GPHN: variants seen among roughly 807,000 people sequenced by gnomAD.
GPHN encodes gephyrin.
GPHN carries 17 observed loss-of-function variants against 95.5 expected under a neutral mutation model. The ratio of observed to expected loss-of-function variants is 0.18; its 90% CI spans 0.12 to 0.27. The LOEUF (loss-of-function observed/expected upper bound fraction) is 0.27. GPHN is among the 10% of genes least tolerant of loss of function. GPHN has a pLI of 1.00. For missense variants in GPHN, 660 were observed against 978.1 expected (o/e 0.67, Z 4.34); for synonymous variants, 320 against 322.5 (o/e 0.99, Z 0.08).
At chr14:67,204,860 TCAGGGA>T in the GPHN span, 1 of 1,613,926 alleles carries the variant, frequency 6.2e-7, no homozygotes, top group Non-Finnish European at 8.5e-7. Flanking sequence ...CCTGAACATG[TCAGGGA>T]CAGCATAGAT....
chr14:67,726,187 T>G, the GPHN span: 1 of 1,198,400 alleles, frequency 8.3e-7, no homozygotes, highest in Non-Finnish European at 1.2e-6. Flanking sequence ...AAAAATGAGG[T>G]ACACCCACTA....
chr14:67,198,541 TAACTC>T, the GPHN span, among the ~76,000 whole-genome samples: 1 of 152,252 alleles, frequency 6.6e-6, no homozygotes, highest in Non-Finnish European at 1.5e-5. Context: ...ACTTCTGTCT[TAACTC>T]TACCATAATT....
intron 9 of GPHN, among the ~76,000 whole-genome samples, chr14:67,005,040 A>G (rs2072505858): frequency 6.6e-6 from 1 of 151,650 alleles, no homozygotes; most frequent in South Asian, 2.1e-4. Flanking sequence ...ATAGGTCAGA[A>G]TGAGTAGCAT....
chr14:67,188,156 C>CTAT, the GPHN span, among the ~76,000 whole-genome samples: 1 of 152,158 alleles, frequency 6.6e-6, no homozygotes, highest in Non-Finnish European at 1.5e-5. Flanking sequence ...GCAGGCCCAT[C>CTAT]TCATGAGGGA....
the GPHN span, among the ~76,000 whole-genome samples, chr14:67,262,749 T>A: frequency 1.8e-4 from 28 of 152,198 alleles, no homozygotes; most frequent in African/African-American, 5.8e-4. Flanking sequence ...AGTGTAGCAT[T>A]CAGAGTCAAC....
At chr14:67,251,918 A>G in the GPHN span, among the ~76,000 whole-genome samples, 3 of 152,228 alleles carry the variant, frequency 2.0e-5, no homozygotes, top group African/African-American at 7.2e-5. Context: ...ATAGCCAGTC[A>G]CCAATGGCCA....
chr14:67,188,394 G>A, the GPHN span, among the ~76,000 whole-genome samples: 1 of 152,036 alleles, frequency 6.6e-6, no homozygotes, highest in Admixed American at 6.6e-5. Flanking sequence ...ATGGACGTGA[G>A]ATAATACCAA....
At chr14:66,569,348 AAC>A (rs1254842991) in intron 1 of GPHN, among the ~76,000 whole-genome samples, 1 of 152,152 alleles carries the variant, frequency 6.6e-6, no homozygotes, top group Non-Finnish European at 1.5e-5. Flanking sequence ...CTTCCTCTTT[AAC>A]ACACACACCA....
the GPHN span, among the ~76,000 whole-genome samples, chr14:67,303,068 T>TAAAGTAAAAATTAAA: frequency 6.6e-6 from 1 of 152,354 alleles, no homozygotes; most frequent in African/African-American, 2.4e-5. Flanking sequence ...TTCAGTTCCT[T>TAAAGTAAAAATTAAA]ATTCGCACTA....
chr14:67,195,921 A>T, the GPHN span, among the ~76,000 whole-genome samples: 1 of 152,134 alleles, frequency 6.6e-6, no homozygotes, highest in Non-Finnish European at 1.5e-5. Flanking sequence ...AGTAGCTGAG[A>T]CTACAGGTGC....
At chr14:67,528,425 C>T in the GPHN span, among the ~76,000 whole-genome samples, 1 of 152,328 alleles carries the variant, frequency 6.6e-6, no homozygotes, top group South Asian at 2.1e-4. Flanking sequence ...GTTGGAGAAC[C>T]TGCCACCTAC....
In GPHN at chr14:66,965,270, C is replaced by T. The variant is rs1064796317; in HGVS notation, c.908C>T (p.Ser303Leu). The part of the protein sequence containing the change: ...TASLSTTPSE[S>L]PRAQATSRLS... ...TCCCTCAGCACTACTCCTTCAGAAT[C>T]GCCTCGTGCTCAGGCTACATCTCGC... Residue 303 changes from serine to leucine, a missense_variant, in exon 9 of 23, where the codon TCG (serine) becomes TTG (leucine). Ser to Leu is a moderately radical substitution (Grantham distance 145, BLOSUM62 -2). Coordinates refer to ENST00000478722, the MANE Select transcript of GPHN (RefSeq NM_020806.5). The T allele has an allele frequency of 2.5e-6, 4 of 1,612,868 alleles. No homozygotes were observed. The highest frequency in any genetic ancestry group is 1.7e-5 in the Admixed American group (1 of 59,976).
intron 2 of GPHN, among the ~76,000 whole-genome samples, chr14:66,756,737 G>C (rs1262434764): frequency 6.6e-6 from 1 of 152,072 alleles, no homozygotes; most frequent in African/African-American, 2.4e-5. Context: ...ACATATAATT[G>C]TCATAAGATC....
intron 17 of GPHN, among the ~76,000 whole-genome samples, chr14:67,127,381 A>G (rs556453835): frequency 9.9e-5 from 15 of 152,166 alleles, no homozygotes; most frequent in African/African-American, 3.6e-4. Flanking sequence ...TTGACATAAA[A>G]AACAATTATT....
intron 2 of GPHN, among the ~76,000 whole-genome samples, chr14:66,761,235 T>C (rs1328235360): frequency 6.6e-6 from 1 of 152,224 alleles, no homozygotes; most frequent in Non-Finnish European, 1.5e-5. Context: ...ATGTAAATCA[T>C]GAAAATTCTA....
intron 1 of GPHN, among the ~76,000 whole-genome samples, chr14:66,612,694 C>A (rs1281291280): frequency 6.6e-6 from 1 of 151,992 alleles, no homozygotes; most frequent in East Asian, 1.9e-4. Context: ...TTCTTTCTCT[C>A]CAGAAACTTT....
intron 17 of GPHN, among the ~76,000 whole-genome samples, chr14:67,123,685 A>G (rs1039346785): frequency 2.0e-5 from 3 of 152,194 alleles, no homozygotes; most frequent in Admixed American, 6.5e-5. Context: ...CAAAAAATAA[A>G]TAAGTAAACA....
chr14:67,433,949 G>A, the GPHN span, among the ~76,000 whole-genome samples: 4 of 152,210 alleles, frequency 2.6e-5, no homozygotes, highest in African/African-American at 4.8e-5. Flanking sequence ...ATCAGAGACA[G>A]GATGGACGGA....
intron 5 of GPHN, 139 bp from the exon 6 acceptor site, chr14:66,915,864 G>A (rs1202124520): frequency 2.8e-6 from 2 of 702,866 alleles, no homozygotes; most frequent in Admixed American, 2.0e-5. Context: ...ATAGCAAGCA[G>A]TGAATGTCTT....
Sources: gnomAD v4.1 joint callset for allele counts (sites outside exome capture counted in the v4.1 genomes callset) on GRCh38, gnomAD v4.1.1 for gene constraint, MANE v1.5 for transcripts, NCBI Gene and HGNC (gene_info 2026-07-23, HGNC 2026-07-21) for gene names.